Variants in ETV6 observed in about 807,000 individuals in gnomAD.
ETV6 encodes the protein ETS variant transcription factor 6, also known as transcription factor ETV6.
Under a neutral mutation model 51.1 loss-of-function variants are expected in ETV6, and 16 were observed. That is an observed-to-expected ratio of 0.31 (90% CI 0.21 to 0.48). The LOEUF is 0.48. ETV6 is among the 20% of genes least tolerant of loss of function. The pLI, the probability that ETV6 is intolerant of heterozygous loss-of-function variation, is 0.99. For missense variants in ETV6, 458 were observed against 594.8 expected, an observed-to-expected ratio of 0.77 and a Z score of 2.39; for synonymous variants, 240 against 224.1, an observed-to-expected ratio of 1.07 and a Z score of -0.64.
chr12:11,687,793 T>C (rs1864665102), intron 1 of ETV6, among the ~76,000 whole-genome samples: 1 of 152,184 alleles, frequency 6.6e-6, no homozygotes, highest in Non-Finnish European at 1.5e-5. Context: ...TGACGAGTAA[T>C]AGCACAAAGC....
chr12:11,752,590 G>A lies in ETV6; in HGVS notation c.163+11G>A, dbSNP rs766933080. 19 of 1,608,570 alleles carry A rather than the reference G, an allele frequency of 1.2e-5. No homozygotes were observed. The highest frequency in any genetic ancestry group is 1.3e-5 in the African/African-American group (1 of 74,866). ...TGCCTGCGCACCTGCGTGAGTGTTCGTGACCCGAGAGGGACAGAGGATTGA... is the reference window on the plus strand; with the variant it reads ...TGCCTGCGCACCTGCGTGAGTGTTCATGACCCGAGAGGGACAGAGGATTGA... On this transcript the variant is annotated intron_variant, in intron 2 of 7. Coordinates refer to ENST00000396373, the MANE Select transcript of ETV6 (RefSeq NM_001987.5).
chr12:11,753,135 T>C (rs1390363931), intron 2 of ETV6, among the ~76,000 whole-genome samples: 4 of 152,000 alleles, frequency 2.6e-5, no homozygotes, highest in Non-Finnish European at 5.9e-5. Flanking sequence ...CCACTCTCTC[T>C]TGCTTCTCTT....
At chr12:11,723,716 A>T (rs537431227) in intron 1 of ETV6, among the ~76,000 whole-genome samples, 1 of 152,022 alleles carries the variant, frequency 6.6e-6, no homozygotes, top group Non-Finnish European at 1.5e-5. Flanking sequence ...TCCTTGACCA[A>T]CACATTGGTA....
intron 2 of ETV6, among the ~76,000 whole-genome samples, chr12:11,831,767 T>G (rs1946249768): frequency 6.6e-6 from 1 of 152,264 alleles, no homozygotes; most frequent in Admixed American, 6.5e-5. Context: ...TTTTCTATCA[T>G]AGATATTGTC....
At chr12:11,750,816 TTGC>T (rs375816565) in intron 1 of ETV6, 3 of 417,216 alleles carry the variant, frequency 7.2e-6, no homozygotes, top group Non-Finnish European at 1.4e-5. Flanking sequence ...TTTTTTTTTT[TTGC>T]TTTTTTCATC....
intron 1 of ETV6, among the ~76,000 whole-genome samples, chr12:11,716,912 A>G (rs940232491): frequency 6.6e-6 from 1 of 152,158 alleles, no homozygotes; most frequent in Non-Finnish European, 1.5e-5. Context: ...CAGTCTTCTA[A>G]GCAGGCAAAG....
chr12:11,867,052 G>A (rs1333964114), intron 4 of ETV6, among the ~76,000 whole-genome samples: 1 of 152,240 alleles, frequency 6.6e-6, no homozygotes, highest in African/African-American at 2.4e-5. Context: ...GGGGAAAGCT[G>A]TTTAAATATG....
At position 11,654,393 on chromosome 12, in the gene ETV6, G is replaced by GT. The variant is rs1347319417; in HGVS notation, c.33+4234dup. Among the ~76,000 whole-genome samples the GT allele has an allele frequency of 2.0e-5, 3 of 152,158 alleles. No homozygotes were observed. In the East Asian group the frequency reaches 5.8e-4, roughly 29 times the overall value. ...CTAAGGGGTTTGCTTCAACCCATGGGTGAGTGAGCCAGGTTTGGAGGACAC... is the reference window on the plus strand; with the variant it reads ...CTAAGGGGTTTGCTTCAACCCATGGGTTGAGTGAGCCAGGTTTGGAGGACAC... On this transcript the variant is annotated intron_variant, in intron 1 of 7. Transcript: ENST00000396373.
intron 1 of ETV6, among the ~76,000 whole-genome samples, chr12:11,682,351 C>T (rs191390309): frequency 1.2e-3 from 175 of 152,170 alleles, no homozygotes; most frequent in Non-Finnish European, 1.7e-3. Flanking sequence ...GTTTGTTGAC[C>T]GCATAAATGT....
At chr12:11,691,519 A>G (rs1864763025) in intron 1 of ETV6, among the ~76,000 whole-genome samples, 2 of 152,254 alleles carry the variant, frequency 1.3e-5, no homozygotes, top group African/African-American at 4.8e-5. Context: ...ACATACACAC[A>G]TAAAAAGTAT....
chr12:11,790,679 C>CTTTT (rs5796466), intron 2 of ETV6, among the ~76,000 whole-genome samples: 1 of 100,368 alleles, frequency 1.0e-5, no homozygotes, highest in African/African-American at 3.4e-5. Flanking sequence ...AGAGGATAAA[C>CTTTT]TTTTTTTTTT....
In ETV6 at chr12:11,839,251, A is replaced by G; in HGVS notation, c.275A>G (p.Lys92Arg). The part of the protein sequence containing the change: ...IDSNTFEMNG[K>R]ALLLLTKEDF... The stretch of plus-strand genomic sequence containing the variant: ...AGCAACACGTTTGAAATGAATGGCA[A>G]AGCTCTCCTGCTGCTGACCAAAGAG... Residue 92 changes from lysine (K) to arginine (R), a missense_variant, in exon 3 of 8, where the codon AAA becomes AGA. By Grantham distance (26) the Lys-to-Arg change is conservative. This residue lies in a region of ETV6 where 26 missense variants were observed against 52.1 expected (regional missense o/e 0.50). Transcript: ENST00000396373. 1 of 1,614,214 alleles carries G rather than the reference A, an allele frequency of 6.2e-7. No individual in the cohort carries two copies. The highest frequency in any genetic ancestry group is 8.5e-7 in the Non-Finnish European group (1 of 1,180,032).
At position 11,860,239 on chromosome 12, in the gene ETV6, C is replaced by T. The variant is rs143827431; in HGVS notation, c.463+6678C>T. ...TCACTGGTTGTAAACCCACTCGATTCTCTAGTCTTGCTGGAATCGTGTTGA... is the reference window on the plus strand; with the variant it reads ...TCACTGGTTGTAAACCCACTCGATTTTCTAGTCTTGCTGGAATCGTGTTGA... On this transcript the variant is annotated intron_variant, in intron 4 of 7. Coordinates refer to ENST00000396373, the MANE Select transcript of ETV6 (RefSeq NM_001987.5). Among the ~76,000 whole-genome samples the T allele has an allele frequency of 9.7e-3, 1,476 of 152,322 alleles. 15 individuals carry two copies. The highest frequency in any genetic ancestry group is 0.032 in the African/African-American group (1,331 of 41,568).
chr12:11,787,727 C>G (rs1945509757), intron 2 of ETV6, among the ~76,000 whole-genome samples: 1 of 152,098 alleles, frequency 6.6e-6, no homozygotes, highest in Non-Finnish European at 1.5e-5. Flanking sequence ...CCAAAGGGAT[C>G]ATAGTGATTT....
chr12:11,834,080 G>A (rs139226561), intron 2 of ETV6, among the ~76,000 whole-genome samples: 1 of 152,326 alleles, frequency 6.6e-6, no homozygotes, highest in East Asian at 1.9e-4. Flanking sequence ...AGGCAGGCAG[G>A]TTGGTAAGGG....
At chr12:11,701,894 T>C (rs1354458555) in intron 1 of ETV6, among the ~76,000 whole-genome samples, 1 of 152,152 alleles carries the variant, frequency 6.6e-6, no homozygotes, top group East Asian at 1.9e-4. Flanking sequence ...AAAAGGATGG[T>C]GTTCCACGAA....
chr12:11,785,523 A>C (rs1945473197), intron 2 of ETV6, among the ~76,000 whole-genome samples: 1 of 152,208 alleles, frequency 6.6e-6, no homozygotes, highest in Admixed American at 6.5e-5. Context: ...CCTGATGCCT[A>C]GAACAATGCC....
At chr12:11,775,131 A>C (rs1218645132) in intron 2 of ETV6, among the ~76,000 whole-genome samples, 1 of 152,206 alleles carries the variant, frequency 6.6e-6, no homozygotes, top group Non-Finnish European at 1.5e-5. Flanking sequence ...TCCGCAGTCA[A>C]AACTGTGGTT....
At chr12:11,772,212 G>C (rs974628838) in intron 2 of ETV6, among the ~76,000 whole-genome samples, 1 of 152,208 alleles carries the variant, frequency 6.6e-6, no homozygotes, top group African/African-American at 2.4e-5. Context: ...GCAGCCAACA[G>C]AGGGGTTAAT....
Sources: allele counts gnomAD v4.1 joint callset (sites outside exome capture counted in the v4.1 genomes callset), GRCh38; gene constraint gnomAD v4.1.1; regional missense constraint gnomAD v4.1.1; transcripts MANE v1.5; gene names NCBI Gene and HGNC (gene_info 2026-07-23, HGNC 2026-07-21).